The following RARB variants were observed in gnomAD, a reference collection of about 807,000 sequenced individuals.
The protein encoded by RARB is retinoic acid receptor beta, also known as HBV-activated protein.
In RARB, 17 loss-of-function variants were observed where a neutral mutation model predicts 51.9. That is an observed-to-expected ratio of 0.33 (90% CI 0.22 to 0.49). RARB has a LOEUF of 0.49. RARB is among the 20% of genes least tolerant of loss of function. The pLI is 0.99. For synonymous variants in RARB, 215 were observed against 195.4 expected (o/e 1.10, Z -0.84); for missense variants, 369 against 550.8 (o/e 0.67, Z 3.30).
intron 5 of RARB, among the ~76,000 whole-genome samples, chr3:25,226,117 C>A (rs1053633585): frequency 6.6e-6 from 1 of 152,166 alleles, no homozygotes; most frequent in Non-Finnish European, 1.5e-5. Flanking sequence ...AAAGACGTGT[C>A]CACTTTTCTA....
rs545578744 is a variant in RARB at position 25,469,149 on chromosome 3, T to C, written c.306+7808T>C. ...GAAGAGAGGGAGGCCCTCATCTCCA[T>C]GACAGCGTTCGGCTGCTGGGCTGGG... On this transcript the variant is annotated intron_variant, in intron 2 of 7. Coordinates refer to ENST00000330688, the MANE Select transcript of RARB (RefSeq NM_000965.5). 3.3e-5 allele frequency among the ~76,000 whole-genome samples: 5 copies of C among 152,372 alleles called. No homozygotes were observed. The South Asian group carries it at 8.3e-4, about 25-fold the overall frequency.
chr3:24,972,291 G>A (rs1335884648), intron 2 of RARB, among the ~76,000 whole-genome samples: 1 of 151,620 alleles, frequency 6.6e-6, no homozygotes, highest in Admixed American at 6.6e-5. Context: ...CTCCCAGTTC[G>A]ATTTGTGTTG....
intron 5 of RARB, among the ~76,000 whole-genome samples, chr3:25,342,807 A>G (rs1006756335): frequency 1.3e-5 from 2 of 152,162 alleles, no homozygotes; most frequent in Non-Finnish European, 1.5e-5. Context: ...TAGGTAGCAC[A>G]GCTTGGCCTG....
At chr3:24,887,617 G>T (rs1236806398) in intron 2 of RARB, among the ~76,000 whole-genome samples, 3 of 152,170 alleles carry the variant, frequency 2.0e-5, no homozygotes, top group African/African-American at 7.2e-5. Flanking sequence ...ATAGCTGTAG[G>T]CCAGCTTCTA....
chr3:25,205,924 A>G (rs964435138), intron 5 of RARB, among the ~76,000 whole-genome samples: 1 of 151,956 alleles, frequency 6.6e-6, no homozygotes, highest in African/African-American at 2.4e-5. Flanking sequence ...TTTTTCTTCT[A>G]CAAAAACAAC....
intron 3 of RARB, among the ~76,000 whole-genome samples, chr3:25,508,950 G>A (rs765004230): frequency 6.6e-6 from 1 of 151,706 alleles, no homozygotes; most frequent in Non-Finnish European, 1.5e-5. Flanking sequence ...CAGTGCCACT[G>A]TGGGACTCAA....
At chr3:25,580,985 C>G (rs529485124) in intron 5 of RARB, among the ~76,000 whole-genome samples, 28 of 152,256 alleles carry the variant, frequency 1.8e-4, no homozygotes, top group African/African-American at 6.5e-4. Context: ...GAATGCTGGT[C>G]TGTTTCTAAG....
intron 5 of RARB, among the ~76,000 whole-genome samples, chr3:25,407,690 C>G (rs183411283): frequency 1.3e-5 from 2 of 152,018 alleles, no homozygotes; most frequent in East Asian, 3.9e-4. Flanking sequence ...CCATTCATAT[C>G]CTTTTACCCT....
chr3:25,209,082 G>A (rs937308150), intron 5 of RARB, among the ~76,000 whole-genome samples: 4 of 152,208 alleles, frequency 2.6e-5, no homozygotes, highest in African/African-American at 9.6e-5. Flanking sequence ...TATTCTCACT[G>A]TCAGCATAAC....
At chr3:25,589,336 G>A (rs1701525185) in intron 5 of RARB, among the ~76,000 whole-genome samples, 1 of 152,206 alleles carries the variant, frequency 6.6e-6, no homozygotes, top group South Asian at 2.1e-4. Flanking sequence ...AGGAGGAGTA[G>A]TTAAAGTTGG....
At chr3:25,316,605 T>C (rs2125436842) in intron 5 of RARB, among the ~76,000 whole-genome samples, 1 of 152,318 alleles carries the variant, frequency 6.6e-6, no homozygotes, top group East Asian at 1.9e-4. Context: ...TTTGGTGTTC[T>C]CATTGTCATC....
At chr3:25,565,997 G>A (rs1700478601) in intron 3 of RARB, among the ~76,000 whole-genome samples, 1 of 152,086 alleles carries the variant, frequency 6.6e-6, no homozygotes, top group South Asian at 2.1e-4. Context: ...TCCCACTGCT[G>A]GCCTCCAGGG....
intron 2 of RARB, among the ~76,000 whole-genome samples, chr3:24,975,128 A>G (rs973368965): frequency 6.6e-6 from 1 of 152,182 alleles, no homozygotes; most frequent in Non-Finnish European, 1.5e-5. Flanking sequence ...AGTGAGTAGT[A>G]TGGCATAAGG....
At position 25,568,166 on chromosome 3, in the gene RARB, T is replaced by A. The variant is rs183525742; in HGVS notation, c.449-1592T>A. Among the ~76,000 whole-genome samples the A allele has an allele frequency of 7.2e-5, 11 of 152,262 alleles. No homozygotes were observed. In the East Asian group the frequency reaches 2.1e-3, roughly 29 times the overall value. ...AGAAATTTTCTGAGCCAATGAGCAGTGTCATTTCAGAGTCCTGGGGGAAGG... is the reference window on the plus strand; with the variant it reads ...AGAAATTTTCTGAGCCAATGAGCAGAGTCATTTCAGAGTCCTGGGGGAAGG... On this transcript the variant is annotated intron_variant, in intron 3 of 7. Coordinates refer to ENST00000330688, the MANE Select transcript of RARB (RefSeq NM_000965.5).
chr3:24,863,379 G>C (rs1575041574), intron 2 of RARB, among the ~76,000 whole-genome samples: 1 of 152,194 alleles, frequency 6.6e-6, no homozygotes, highest in Non-Finnish European at 1.5e-5. Flanking sequence ...GTTAAACAGT[G>C]ATACTGTGTG....
At chr3:25,238,807 C>T (rs1702363708) in intron 5 of RARB, among the ~76,000 whole-genome samples, 1 of 152,054 alleles carries the variant, frequency 6.6e-6, no homozygotes, top group African/African-American at 2.4e-5. Flanking sequence ...AGTGAAACTC[C>T]TTCTCTACTA....
At chr3:25,403,281 C>G (rs1253372056) in intron 5 of RARB, among the ~76,000 whole-genome samples, 3 of 152,110 alleles carry the variant, frequency 2.0e-5, no homozygotes, top group Admixed American at 2.0e-4. Context: ...GTTTGTAACA[C>G]TAATGATAAA....
intron 3 of RARB, among the ~76,000 whole-genome samples, chr3:25,077,470 TATCG>T (rs980976100): frequency 4.6e-5 from 7 of 152,192 alleles, no homozygotes; most frequent in Admixed American, 3.9e-4. Flanking sequence ...CTTTTGTATC[TATCG>T]CAGTATAATA....
At chr3:25,292,047 C>CTT (rs35112634) in intron 5 of RARB, among the ~76,000 whole-genome samples, 26,088 of 147,424 alleles carry the variant, frequency 0.18, 2,699 homozygotes, top group South Asian at 0.24. Flanking sequence ...CTTCCTCCCA[C>CTT]TTTTTTTTTT....
Sources: allele counts gnomAD v4.1 joint callset (sites outside exome capture counted in the v4.1 genomes callset), GRCh38; gene constraint gnomAD v4.1.1; transcripts MANE v1.5; gene names NCBI Gene and HGNC (gene_info 2026-07-23, HGNC 2026-07-21).